The following PDE3A variants were observed in gnomAD, a reference collection of about 807,000 sequenced individuals.
PDE3A encodes the protein phosphodiesterase 3A.
In PDE3A, 43 loss-of-function variants were observed where a neutral mutation model predicts 98.3. That is an observed-to-expected ratio of 0.44 (90% CI 0.34 to 0.56). The LOEUF is 0.56. Ranked by LOEUF, PDE3A falls within the 20% of genes least tolerant of loss-of-function variation. PDE3A has a pLI of 0.01. For synonymous variants in PDE3A, 663 were observed against 567.9 expected, an observed-to-expected ratio of 1.17 and a Z score of -2.38; for missense variants, 1,427 against 1,440.7, an observed-to-expected ratio of 0.99 and a Z score of 0.15.
chr12:20,561,274 T>C (rs1942513155), intron 2 of PDE3A, among the ~76,000 whole-genome samples: 1 of 151,900 alleles, frequency 6.6e-6, no homozygotes, highest in Non-Finnish European at 1.5e-5. Context: ...AAGATATTTC[T>C]AATAGAAAGA....
At chr12:20,413,631 G>A (rs1213803650) in intron 1 of PDE3A, among the ~76,000 whole-genome samples, 1 of 152,168 alleles carries the variant, frequency 6.6e-6, no homozygotes, top group Non-Finnish European at 1.5e-5. Context: ...AGCAACAAGT[G>A]TGAGATGAGA....
chr12:20,578,518 A>C (rs1053353867), intron 2 of PDE3A, among the ~76,000 whole-genome samples: 1 of 151,644 alleles, frequency 6.6e-6, no homozygotes, highest in African/African-American at 2.4e-5. Context: ...CGTAGTACTC[A>C]CTAATGCGCA....
At position 20,404,058 on chromosome 12, in the gene PDE3A, C is replaced by G. The variant is rs11610468; in HGVS notation, c.960+33814C>G. 1.2e-4 allele frequency among the ~76,000 whole-genome samples: 18 copies of G among 152,076 alleles called. 1 individual carries two copies. Among genetic ancestry groups the G allele is most frequent in the Non-Finnish European group, 2.1e-4 (14 of 67,978 alleles). ...AGGTATGTTTGCATATCTCAAGTGA[C>G]ACAATTTGGCCAGGTTTCTGAAAAA... On this transcript the variant is annotated intron_variant, in intron 1 of 15. Transcript: ENST00000359062.
intron 15 of PDE3A, among the ~76,000 whole-genome samples, chr12:20,674,547 A>T (rs1387644802): frequency 6.6e-6 from 1 of 152,174 alleles, no homozygotes; most frequent in Non-Finnish European, 1.5e-5. Context: ...GAGAGGATAG[A>T]TGCAAAAAAG....
At position 20,685,159 on chromosome 12, in the gene PDE3A, T is replaced by C. The variant is rs1473301719; in HGVS notation, c.*4888T>C. 6.6e-6 allele frequency among the ~76,000 whole-genome samples: 1 copy of C among 152,148 alleles called. No individual in the cohort carries two copies. The highest frequency in any genetic ancestry group is 1.9e-4 in the East Asian group (1 of 5,192). ...CGGGCGCAGTGGCTCACGCCTGTAA[T>C]CCCAGCACTTTGGGAGGCCAAGGCT... On this transcript the variant is annotated 3_prime_UTR_variant, in exon 16 of 16. Coordinates refer to ENST00000359062, the MANE Select transcript of PDE3A (RefSeq NM_000921.5).
At chr12:20,634,015 T>C (rs184566359) in intron 7 of PDE3A, among the ~76,000 whole-genome samples, 214 of 152,250 alleles carry the variant, frequency 1.4e-3, no homozygotes, top group Middle Eastern at 0.014. Flanking sequence ...TTTTAAATTA[T>C]AGATTTAAAA....
intron 1 of PDE3A, among the ~76,000 whole-genome samples, chr12:20,537,975 T>C (rs754080667): frequency 3.3e-5 from 5 of 152,234 alleles, no homozygotes; most frequent in African/African-American, 1.2e-4. Flanking sequence ...GAGATTGAAT[T>C]TGATGTGTTA....
intron 1 of PDE3A, among the ~76,000 whole-genome samples, chr12:20,516,174 T>G (rs191527328): frequency 3.2e-4 from 48 of 152,250 alleles, no homozygotes; most frequent in Non-Finnish European, 4.9e-4. Context: ...CAAGCATACT[T>G]TTTTTTCATA....
chr12:20,653,301 C>G (rs1268207850), intron 14 of PDE3A, among the ~76,000 whole-genome samples: 5 of 151,882 alleles, frequency 3.3e-5, no homozygotes, highest in Admixed American at 1.3e-4. Flanking sequence ...TTAAAGCTTT[C>G]TGGAAGCCAA....
intron 1 of PDE3A, among the ~76,000 whole-genome samples, chr12:20,541,659 T>C (rs1015353742): frequency 1.3e-5 from 2 of 152,076 alleles, no homozygotes; most frequent in African/African-American, 4.8e-5. Flanking sequence ...CACTTTATTT[T>C]CTTTTATTCC....
Position 20,687,046 on chromosome 12 carries a change from G to A in PDE3A, c.*6775G>A, listed in dbSNP as rs553590471. Among the ~76,000 whole-genome samples the A allele has an allele frequency of 4.6e-5, 7 of 152,170 alleles. No individual in the cohort carries two copies. Among genetic ancestry groups the A allele is most frequent in the African/African-American group, 1.2e-4 (5 of 41,538 alleles). On this transcript the variant is annotated 3_prime_UTR_variant, in exon 16 of 16. Coordinates refer to ENST00000359062, the MANE Select transcript of PDE3A (RefSeq NM_000921.5). ...CAAATGTGAATTAGCCCTTGAATTA[G>A]TTTGAAAACTGCTACTTGAATAACT...
chr12:20,632,560 G>A (rs73080783), intron 6 of PDE3A, among the ~76,000 whole-genome samples: 3,332 of 152,278 alleles, frequency 0.022, 50 homozygotes, highest in Non-Finnish European at 0.033. Flanking sequence ...AGAGGGAAGA[G>A]CCAGTTTATG....
intron 1 of PDE3A, among the ~76,000 whole-genome samples, chr12:20,387,015 T>A (rs753113966): frequency 6.6e-6 from 1 of 152,052 alleles, no homozygotes; most frequent in African/African-American, 2.4e-5. Context: ...TCCAGGACCA[T>A]GTGTTAAATA....
intron 15 of PDE3A, among the ~76,000 whole-genome samples, chr12:20,671,393 C>CA (rs1945477480): frequency 1.3e-5 from 2 of 152,018 alleles, no homozygotes; most frequent in South Asian, 2.1e-4. Context: ...AGAGACACAA[C>CA]AAAAAAAGAT....
At chr12:20,578,004 G>C (rs1313446368) in intron 2 of PDE3A, among the ~76,000 whole-genome samples, 1 of 152,140 alleles carries the variant, frequency 6.6e-6, no homozygotes, top group African/African-American at 2.4e-5. Context: ...AGTCCTGTGA[G>C]AATTCCACTC....
At chr12:20,604,612 G>C (rs1480190067) in intron 2 of PDE3A, among the ~76,000 whole-genome samples, 1 of 152,126 alleles carries the variant, frequency 6.6e-6, no homozygotes, top group Non-Finnish European at 1.5e-5. Flanking sequence ...AAAATATTGA[G>C]TTTAAAATAC....
chr12:20,637,984 A>G (rs776862955), intron 9 of PDE3A, among the ~76,000 whole-genome samples: 41 of 152,212 alleles, frequency 2.7e-4, no homozygotes, highest in Non-Finnish European at 5.4e-4. Context: ...TTATCTTCAC[A>G]TGTTTTAGGT....
chr12:20,645,087 C>A (rs147143352), intron 10 of PDE3A, among the ~76,000 whole-genome samples: 2 of 152,012 alleles, frequency 1.3e-5, no homozygotes, highest in Non-Finnish European at 2.9e-5. Flanking sequence ...CGGGATTTTA[C>A]CATGTTGGCC....
intron 1 of PDE3A, among the ~76,000 whole-genome samples, chr12:20,497,004 A>G (rs549075113): frequency 8.5e-5 from 13 of 152,170 alleles, no homozygotes; most frequent in Non-Finnish European, 1.8e-4. Context: ...TAGTATCTCA[A>G]AGTTTCAGCG....
Sources: allele counts gnomAD v4.1 joint callset (sites outside exome capture counted in the v4.1 genomes callset), GRCh38; gene constraint gnomAD v4.1.1; transcripts MANE v1.5; gene names NCBI Gene and HGNC (gene_info 2026-07-23, HGNC 2026-07-21).